Variants in PDE1C observed in about 807,000 individuals in gnomAD.
PDE1C encodes dual specificity calcium/calmodulin-dependent 3',5'-cyclic nucleotide phosphodiesterase 1C.
In PDE1C, 62 loss-of-function variants were observed where a neutral mutation model predicts 93.1. The observed-to-expected ratio is 0.67, with a 90% CI of 0.54 to 0.82. The LOEUF is 0.82. PDE1C is among the 40% of genes least tolerant of loss of function. The pLI is 0.00. For synonymous variants in PDE1C, 325 were observed against 310.1 expected, an observed-to-expected ratio of 1.05 and a Z score of -0.50; for missense variants, 742 against 884.6, an observed-to-expected ratio of 0.84 and a Z score of 2.04.
chr7:32,207,423 C>CCA (rs1805666056), intron 2 of PDE1C, among the ~76,000 whole-genome samples: 1 of 151,850 alleles, frequency 6.6e-6, no homozygotes, highest in African/African-American at 2.4e-5. Flanking sequence ...TTCATTCACA[C>CCA]CACACAATGA....
upstream of PDE1C, chr7:32,070,920 C>A (rs1409163234): frequency 4.1e-6 from 4 of 985,240 alleles, no homozygotes; most frequent in Non-Finnish European, 4.8e-6. Context: ...CCGCGCCCAG[C>A]GCCCCGCTCA....
intron 3 of PDE1C, among the ~76,000 whole-genome samples, chr7:32,087,405 A>T (rs1797166011): frequency 6.6e-6 from 1 of 152,140 alleles, no homozygotes; most frequent in East Asian, 1.9e-4. Flanking sequence ...TGTTGGTGGG[A>T]CTGTAAACTA....
intron 1 of PDE1C, among the ~76,000 whole-genome samples, chr7:32,065,194 G>C (rs914179480): frequency 6.6e-6 from 1 of 152,126 alleles, no homozygotes; most frequent in African/African-American, 2.4e-5. Flanking sequence ...CATAGAGAAG[G>C]TTCACTAGAA....
intron 11 of PDE1C, among the ~76,000 whole-genome samples, chr7:31,831,493 T>C (rs201256498): frequency 5.6e-3 from 230 of 41,246 alleles, no homozygotes; most frequent in African/African-American, 0.013. Context: ...CACACACACA[T>C]GCACGCACAC....
chr7:32,266,781 C>A (rs1810605696), intron 1 of PDE1C, among the ~76,000 whole-genome samples: 1 of 151,812 alleles, frequency 6.6e-6, no homozygotes, highest in African/African-American at 2.4e-5. Context: ...AGGCAGGGGG[C>A]AGTGCAAAGA....
intron 11 of PDE1C, among the ~76,000 whole-genome samples, chr7:31,833,538 C>T (rs1167293461): frequency 6.6e-6 from 1 of 152,032 alleles, no homozygotes; most frequent in African/African-American, 2.4e-5. Flanking sequence ...TGGACAATGA[C>T]ATCCAGGCTG....
intron 2 of PDE1C, among the ~76,000 whole-genome samples, chr7:31,986,288 C>T (rs1468275512): frequency 6.6e-6 from 1 of 152,066 alleles, no homozygotes; most frequent in South Asian, 2.1e-4. Flanking sequence ...CTTCCTCCTA[C>T]TTCACATGGC....
intron 2 of PDE1C, among the ~76,000 whole-genome samples, chr7:32,207,621 C>CTT (rs58529198): frequency 3.9e-5 from 6 of 151,922 alleles, no homozygotes; most frequent in South Asian, 2.1e-4. Flanking sequence ...TTTCGTTCTC[C>CTT]TTTTTTTTCC....
At chr7:32,247,589 A>G (rs75602031) in intron 1 of PDE1C, among the ~76,000 whole-genome samples, 2,071 of 152,300 alleles carry the variant, frequency 0.014, 54 homozygotes, top group African/African-American at 0.046. Flanking sequence ...CAATTTTTCA[A>G]TGCTGCAAAA....
chr7:32,059,855 C>A (rs1367205702), intron 1 of PDE1C, among the ~76,000 whole-genome samples: 1 of 152,162 alleles, frequency 6.6e-6, no homozygotes, highest in Non-Finnish European at 1.5e-5. Flanking sequence ...CCAAGTAGTA[C>A]GTTTTTTGCA....
At chr7:32,291,486 ATAGT>A (rs1453194418) in intron 1 of PDE1C, among the ~76,000 whole-genome samples, 1 of 152,248 alleles carries the variant, frequency 6.6e-6, no homozygotes, top group Non-Finnish European at 1.5e-5. Flanking sequence ...CTGGAATCTG[ATAGT>A]TAGCATATAG....
intron 3 of PDE1C, among the ~76,000 whole-genome samples, chr7:32,078,927 C>CAAA (rs112614033): frequency 1.5e-5 from 2 of 129,408 alleles, no homozygotes; most frequent in Non-Finnish European, 3.3e-5. Flanking sequence ...CTCACTCTCT[C>CAAA]AAAAAAAAAA....
the PDE1C span, among the ~76,000 whole-genome samples, chr7:31,637,564 A>G: frequency 3.9e-5 from 6 of 151,940 alleles, no homozygotes; most frequent in African/African-American, 7.3e-5. Flanking sequence ...CATATCCTTT[A>G]CCCACTTTTT....
At chr7:31,941,922 T>A (rs148899585) in intron 2 of PDE1C, among the ~76,000 whole-genome samples, 4,015 of 152,336 alleles carry the variant, frequency 0.026, 63 homozygotes, top group South Asian at 0.071. Flanking sequence ...TTGAGTCACT[T>A]TATTTGATTC....
chr7:31,769,011 G>T (rs1795315341), intron 17 of PDE1C, among the ~76,000 whole-genome samples: 1 of 152,002 alleles, frequency 6.6e-6, no homozygotes, highest in South Asian at 2.1e-4. Context: ...GGCTAGGCTG[G>T]TCTTGAACTC....
intron 3 of PDE1C, among the ~76,000 whole-genome samples, chr7:32,158,945 C>T (rs1414182753): frequency 6.6e-6 from 1 of 152,216 alleles, no homozygotes; most frequent in Non-Finnish European, 1.5e-5. Context: ...AGTCACAAAT[C>T]AAACAGTTCC....
intron 3 of PDE1C, among the ~76,000 whole-genome samples, chr7:32,106,458 G>A (rs1184635607): frequency 6.6e-6 from 1 of 152,122 alleles, no homozygotes; most frequent in African/African-American, 2.4e-5. Flanking sequence ...CAGAGATAGA[G>A]AGAAGTGGGA....
chr7:32,124,444 C>T (rs1343433986), intron 3 of PDE1C, among the ~76,000 whole-genome samples: 1 of 152,184 alleles, frequency 6.6e-6, no homozygotes, highest in Non-Finnish European at 1.5e-5. Flanking sequence ...TGCTACCTGA[C>T]TTCAAACTAT....
chr7:32,288,496 A>G (rs1467952524), intron 1 of PDE1C, among the ~76,000 whole-genome samples: 1 of 152,176 alleles, frequency 6.6e-6, no homozygotes, highest in Non-Finnish European at 1.5e-5. Context: ...CTCATGAATG[A>G]CCCAGATGAG....
Sources: gnomAD v4.1 joint callset for allele counts (sites outside exome capture counted in the v4.1 genomes callset) on GRCh38, gnomAD v4.1.1 for gene constraint, MANE v1.5 for transcripts, NCBI Gene and HGNC (gene_info 2026-07-23, HGNC 2026-07-21) for gene names.